The following LTBP1 variants were observed in gnomAD, a reference collection of about 807,000 sequenced individuals.
LTBP1 encodes the protein latent-transforming growth factor beta-binding protein 1.
A neutral mutation model predicts 207.6 loss-of-function variants in LTBP1; 129 were observed. That is an observed-to-expected ratio of 0.62 (90% confidence interval 0.54 to 0.72). LTBP1 has a LOEUF of 0.72. LTBP1 is among the 30% of genes least tolerant of loss of function. The probability of loss-of-function intolerance (pLI) is 0.00; values close to 1 mark genes in which losing one functional copy is unlikely to be tolerated. For synonymous variants in LTBP1, 963 were observed against 833.7 expected, an observed-to-expected ratio of 1.16 and a Z score of -2.67; for missense variants, 2,281 against 2,217.2, an observed-to-expected ratio of 1.03 and a Z score of -0.58.
chr2:33,190,511 G>A (rs1304774654), intron 7 of LTBP1, among the ~76,000 whole-genome samples: 1 of 152,178 alleles, frequency 6.6e-6, no homozygotes, highest in Non-Finnish European at 1.5e-5. Flanking sequence ...ATATGGGAAT[G>A]GAAAGAGCAT....
Position 33,347,438 on chromosome 2 carries a change from C to T in LTBP1, c.3928C>T (p.Leu1310=). Residue 1310 remains leucine, a synonymous_variant, in exon 26 of 34, where the codon CTG becomes TTG. Transcript: ENST00000404816. Reference sequence around the variant, plus strand: ...CTGTGAAAACGTGGAAGGGTCCTTCCTGTGCGTGTGTGCTGATGAAAACCA... The same window carrying T: ...CTGTGAAAACGTGGAAGGGTCCTTCTTGTGCGTGTGTGCTGATGAAAACCA... ...AFCENVEGSF[L]CVCADENQEY... 1 of 1,614,170 alleles carries T rather than the reference C, an allele frequency of 6.2e-7. No individual in the cohort carries two copies. Among genetic ancestry groups the T allele is most frequent in the Non-Finnish European group, 8.5e-7 (1 of 1,180,028 alleles).
intron 11 of LTBP1, among the ~76,000 whole-genome samples, chr2:33,254,654 G>A (rs2092783234): frequency 7.3e-6 from 1 of 137,046 alleles, no homozygotes. Context: ...CATGCATGTT[G>A]GTTACATATG....
At chr2:33,284,684 C>A (rs1393669548) in intron 19 of LTBP1, among the ~76,000 whole-genome samples, 3 of 151,980 alleles carry the variant, frequency 2.0e-5, no homozygotes, top group Non-Finnish European at 1.5e-5. Flanking sequence ...CCGATGAGAG[C>A]CATCCCCCAA....
intron 4 of LTBP1, among the ~76,000 whole-genome samples, chr2:33,132,467 G>A (rs2081870782): frequency 1.3e-5 from 2 of 152,236 alleles, no homozygotes; most frequent in Non-Finnish European, 1.5e-5. Flanking sequence ...TTGACAGGCT[G>A]CTTTCCAGCT....
chr2:33,207,614 C>T (rs1423335027), intron 7 of LTBP1, among the ~76,000 whole-genome samples: 1 of 152,228 alleles, frequency 6.6e-6, no homozygotes, highest in Non-Finnish European at 1.5e-5. Flanking sequence ...GCATTTTCCT[C>T]TTCTTATGAG....
chr2:33,039,299 G>GA (rs201788813), intron 3 of LTBP1, among the ~76,000 whole-genome samples: 2,043 of 143,104 alleles, frequency 0.014, 42 homozygotes, highest in African/African-American at 0.048. Flanking sequence ...TCTGACAGGA[G>GA]AAAAAAAAAA....
chr2:33,271,673 A>G (rs1360201006), intron 15 of LTBP1, among the ~76,000 whole-genome samples: 1 of 152,216 alleles, frequency 6.6e-6, no homozygotes, highest in Non-Finnish European at 1.5e-5. Flanking sequence ...AGAAAATGCT[A>G]ATCCTAAAAA....
chr2:33,040,024 C>T lies in LTBP1; in HGVS notation c.863+18818C>T, dbSNP rs929846225. 5.3e-5 allele frequency among the ~76,000 whole-genome samples: 8 copies of T among 151,862 alleles called. No individual in the cohort carries two copies. In the South Asian group the frequency reaches 6.2e-4, roughly 12 times the overall value. The stretch of plus-strand genomic sequence containing the variant: ...CCAGAAAAGAGAGATCGAATGGGAC[C>T]GGTTTTGGAATCTGGGAGTGGTTGG... On this transcript the variant is annotated intron_variant, in intron 3 of 33. Coordinates refer to ENST00000404816, the MANE Select transcript of LTBP1 (RefSeq NM_206943.4).
intron 2 of LTBP1, among the ~76,000 whole-genome samples, chr2:32,967,685 A>G (rs938500901): frequency 1.3e-5 from 2 of 152,176 alleles, no homozygotes; most frequent in Non-Finnish European, 2.9e-5. Flanking sequence ...AATGGATATT[A>G]TATGATTTTT....
At chr2:33,335,518 C>A (rs917424155) in intron 24 of LTBP1, among the ~76,000 whole-genome samples, 1 of 152,198 alleles carries the variant, frequency 6.6e-6, no homozygotes, top group Non-Finnish European at 1.5e-5. Context: ...TTAAAAGGAT[C>A]TTTCCATATC....
chr2:33,015,964 C>G (rs375688460), intron 2 of LTBP1, among the ~76,000 whole-genome samples: 23 of 152,280 alleles, frequency 1.5e-4, no homozygotes, highest in African/African-American at 5.3e-4. Context: ...AATGAGAACT[C>G]TGCCCCATAG....
intron 22 of LTBP1, among the ~76,000 whole-genome samples, chr2:33,305,986 C>A (rs1448398586): frequency 1.3e-5 from 2 of 152,072 alleles, no homozygotes; most frequent in African/African-American, 2.4e-5. Flanking sequence ...CTGTTCCTGC[C>A]CTTAAAACCT....
intron 2 of LTBP1, among the ~76,000 whole-genome samples, chr2:32,986,236 C>T (rs767405716): frequency 5.3e-5 from 8 of 152,058 alleles, no homozygotes; most frequent in Non-Finnish European, 5.9e-5. Context: ...GTCCAGGACT[C>T]CTAGGATGAT....
At chr2:33,301,017 T>C (rs945619765) in intron 21 of LTBP1, among the ~76,000 whole-genome samples, 2 of 152,202 alleles carry the variant, frequency 1.3e-5, no homozygotes, top group African/African-American at 4.8e-5. Flanking sequence ...TAAAGAAGAT[T>C]TCTCAATAAA....
chr2:33,077,995 T>G (rs2078178355), intron 3 of LTBP1, among the ~76,000 whole-genome samples: 1 of 152,066 alleles, frequency 6.6e-6, no homozygotes, highest in African/African-American at 2.4e-5. Context: ...GATTTTGAGG[T>G]TGAGTGGCTT....
intron 5 of LTBP1, among the ~76,000 whole-genome samples, chr2:33,176,209 G>C (rs1358070055): frequency 7.3e-6 from 1 of 137,082 alleles, no homozygotes; most frequent in East Asian, 2.1e-4. Flanking sequence ...ATCCAATTTT[G>C]ACATGTTAAT....
chr2:33,012,431 C>CCATT (rs1457476897), intron 2 of LTBP1, among the ~76,000 whole-genome samples: 2 of 152,230 alleles, frequency 1.3e-5, no homozygotes, highest in Non-Finnish European at 2.9e-5. Flanking sequence ...AGGAAACAAA[C>CCATT]CATTTCTAAG....
intron 5 of LTBP1, among the ~76,000 whole-genome samples, chr2:33,165,032 A>G (rs2084800664): frequency 6.6e-6 from 1 of 152,180 alleles, no homozygotes; most frequent in African/African-American, 2.4e-5. Context: ...AGCCAGGAGG[A>G]TGGCATGTGC....
At chr2:33,236,316 G>A (rs1259673126) in intron 9 of LTBP1, among the ~76,000 whole-genome samples, 2 of 152,214 alleles carry the variant, frequency 1.3e-5, no homozygotes, top group Non-Finnish European at 2.9e-5. Context: ...CAATGGCTCA[G>A]TGGGAACTGA....
Sources: allele counts gnomAD v4.1 joint callset (sites outside exome capture counted in the v4.1 genomes callset), GRCh38; gene constraint gnomAD v4.1.1; transcripts MANE v1.5; gene names NCBI Gene and HGNC (gene_info 2026-07-23, HGNC 2026-07-21).